TOMM7: variants seen among roughly 807,000 people sequenced by gnomAD.
TOMM7 encodes the protein translocase of outer mitochondrial membrane 7, also known as mitochondrial import receptor subunit TOM7 homolog.
Under a neutral mutation model 9.5 loss-of-function variants are expected in TOMM7, and 8 were observed. The observed-to-expected ratio is 0.84, with a 90% CI of 0.49 to 1.51. TOMM7 has a LOEUF of 1.51. TOMM7 is among the 40% of genes most tolerant of loss of function. The probability of loss-of-function intolerance (pLI) is 0.00; values close to 1 mark genes in which losing one functional copy is unlikely to be tolerated. For missense variants in TOMM7, 74 were observed against 63.7 expected, an observed-to-expected ratio of 1.16 and a Z score of -0.55; for synonymous variants, 27 against 21.4, an observed-to-expected ratio of 1.26 and a Z score of -0.72.
intron 1 of TOMM7, among the ~76,000 whole-genome samples, chr7:22,818,758 T>C (rs1782348616): frequency 6.6e-6 from 1 of 152,156 alleles, no homozygotes; most frequent in Non-Finnish European, 1.5e-5. Context: ...CAAAATGATT[T>C]TTGGAAAAAC....
At chr7:22,817,013 A>G (rs1782324587) in intron 2 of TOMM7, among the ~76,000 whole-genome samples, 1 of 152,354 alleles carries the variant, frequency 6.6e-6, no homozygotes, top group South Asian at 2.1e-4. Context: ...GAAAATGAAT[A>G]AAGCCCTAGA....
At chr7:22,813,669 T>C (rs1000007337) in intron 2 of TOMM7, among the ~76,000 whole-genome samples, 2 of 151,696 alleles carry the variant, frequency 1.3e-5, no homozygotes, top group African/African-American at 4.8e-5. Context: ...GTGGGTAGAG[T>C]GCGATGTGGC....
chr7:22,819,280 TA>T (rs200380406), intron 1 of TOMM7, among the ~76,000 whole-genome samples: 187 of 149,394 alleles, frequency 1.3e-3, no homozygotes, highest in African/African-American at 3.7e-3. Flanking sequence ...AGTTAATATT[TA>T]AAAAAAAAAT....
Position 22,822,849 on chromosome 7 carries a change from G to A in TOMM7, c.-70C>T, listed in dbSNP as rs1378635767. ...AGCGTCGGGAATCCGAAAGGGAAAG[G>A]AGGTGCGCAGGCGCCACACACGGCC... On this transcript the variant is annotated 5_prime_UTR_variant, in exon 1 of 3. Transcript: ENST00000358435. 9.5e-6 allele frequency: 12 copies of A among 1,259,140 alleles called. No homozygotes were observed. The highest frequency in any genetic ancestry group is 3.6e-5 in the South Asian group (3 of 83,406). The allele number at this position is 1,259,140 out of a possible 1,614,324, so 78.0% of individuals were successfully genotyped here. A position where few individuals can be genotyped will look rare whatever the true frequency, so the allele number is the denominator to read the frequency against.
intron 1 of TOMM7, among the ~76,000 whole-genome samples, chr7:22,820,310 C>T (rs1433792997): frequency 2.6e-5 from 4 of 152,236 alleles, no homozygotes; most frequent in Non-Finnish European, 4.4e-5. Context: ...TGAAAATCAC[C>T]GTAACGGTAG....
chr7:22,820,181 A>G (rs1222841622), intron 1 of TOMM7, among the ~76,000 whole-genome samples: 1 of 152,196 alleles, frequency 6.6e-6, no homozygotes, highest in East Asian at 1.9e-4. Context: ...CTATTTCAAC[A>G]TGGGAACTGG....
chr7:22,818,561 G>A (rs1258360374), intron 1 of TOMM7, among the ~76,000 whole-genome samples: 1 of 152,170 alleles, frequency 6.6e-6, no homozygotes, highest in Non-Finnish European at 1.5e-5. Context: ...GATTACAGGT[G>A]TGAACCATCA....
chr7:22,822,257 G>C, intron 1 of TOMM7: 1 of 1,550,590 alleles, frequency 6.4e-7, no homozygotes, highest in Middle Eastern at 1.7e-4. Flanking sequence ...TTTCATGGCA[G>C]TGGTACTTTC....
rs560450448 is a variant in TOMM7, at chr7:22,813,589, C to G, written c.153-404G>C. ...TGTGCATTAGACACTGAGGAAAGTTCACAACTCCCAACTACGATCCCTATT... is the reference window on the plus strand; with the variant it reads ...TGTGCATTAGACACTGAGGAAAGTTGACAACTCCCAACTACGATCCCTATT... On this transcript the variant is annotated intron_variant, in intron 2 of 2. Transcript: ENST00000358435. 3.9e-5 allele frequency among the ~76,000 whole-genome samples: 6 copies of G among 152,050 alleles called. No homozygotes were observed. The South Asian group carries it at 1.2e-3, about 32-fold the overall frequency.
intron 1 of TOMM7, among the ~76,000 whole-genome samples, chr7:22,820,092 T>C (rs188960801): frequency 9.9e-5 from 15 of 152,150 alleles, no homozygotes; most frequent in African/African-American, 3.6e-4. Flanking sequence ...TCCCAGCACT[T>C]TGGGAGGCCA....
At chr7:22,816,612 A>G (rs1562672529) in intron 2 of TOMM7, among the ~76,000 whole-genome samples, 1 of 152,256 alleles carries the variant, frequency 6.6e-6, no homozygotes. Flanking sequence ...AAACTTTATC[A>G]GGGAAAACAG....
rs1782270019 is a variant in TOMM7, at chr7:22,813,142, C to T, written c.*28G>A. On this transcript the variant is annotated 3_prime_UTR_variant, in exon 3 of 3. Transcript: ENST00000358435. ...ATCTTCCATGCTGTCCGCTGATTGC[C>T]TCCAAATCCAGAAGACCAAATAATC... 1.2e-6 allele frequency: 2 copies of T among 1,613,392 alleles called. No homozygotes were observed. The highest frequency in any genetic ancestry group is 1.7e-5 in the Admixed American group (1 of 59,962).
intron 1 of TOMM7, 108 bp downstream of exon 1, chr7:22,822,569 C>G (rs1414145154): frequency 1.0e-6 from 1 of 967,858 alleles, no homozygotes; most frequent in South Asian, 1.4e-5. Flanking sequence ...GGGCCGTGCA[C>G]GGCAGTGTCC....
intron 2 of TOMM7, among the ~76,000 whole-genome samples, chr7:22,816,374 T>G (rs927834773): frequency 1.3e-5 from 2 of 152,228 alleles, no homozygotes; most frequent in African/African-American, 4.8e-5. Context: ...GTAATGTTTC[T>G]CTAAGGAAAT....
In TOMM7 at chr7:22,813,058, T is replaced by C. The variant is rs762199420; in HGVS notation, c.*112A>G. 5.6e-6 allele frequency: 6 copies of C among 1,062,158 alleles called. No homozygotes were observed. Among genetic ancestry groups the C allele is most frequent in the East Asian group, 2.4e-5 (1 of 42,352 alleles). 65.8% of individuals were successfully genotyped at this position (1,062,158 alleles called of 1,614,324 possible). A position where few individuals can be genotyped will look rare whatever the true frequency, so the allele number is the denominator to read the frequency against. ...GCTACAGATGCGTCTGTGAAGAGCC[T>C]TGTGCCATCCAACTAGTGACTGAAT... is the stretch of plus-strand genomic sequence containing the variant. On this transcript the variant is annotated 3_prime_UTR_variant, in exon 3 of 3. Transcript: ENST00000358435.
chr7:22,813,525 G>A (rs1219905106), intron 2 of TOMM7, among the ~76,000 whole-genome samples: 1 of 152,144 alleles, frequency 6.6e-6, no homozygotes, highest in Non-Finnish European at 1.5e-5. Context: ...ACTAGATGCA[G>A]TATCAGTAAT....
Position 22,813,084 on chromosome 7 carries a change from G to T in TOMM7, c.*86C>A. 7.1e-7 allele frequency: 1 copy of T among 1,402,696 alleles called. No individual in the cohort carries two copies. Among genetic ancestry groups the T allele is most frequent in the Middle Eastern group, 1.8e-4 (1 of 5,428 alleles). The allele number at this position is 1,402,696 out of a possible 1,614,324, so 86.9% of individuals were successfully genotyped here. On this transcript the variant is annotated 3_prime_UTR_variant, in exon 3 of 3. Transcript: ENST00000358435. Reference sequence around the variant, plus strand: ...TGTGCCATCCAACTAGTGACTGAATGATGTCCCATCTCTTATCCGAGCCAG... The same window carrying T: ...TGTGCCATCCAACTAGTGACTGAATTATGTCCCATCTCTTATCCGAGCCAG...
chr7:22,820,312 TA>T (rs2128182667), intron 1 of TOMM7, among the ~76,000 whole-genome samples: 1 of 152,342 alleles, frequency 6.6e-6, no homozygotes, highest in African/African-American at 2.4e-5. Flanking sequence ...AAAATCACCG[TA>T]ACGGTAGTCC....
At chr7:22,813,348 T>C (rs2128181768) in intron 2 of TOMM7, among the ~76,000 whole-genome samples, 163 bp from the exon 3 acceptor site, 1 of 152,338 alleles carries the variant, frequency 6.6e-6, no homozygotes, top group Middle Eastern at 3.4e-3. Flanking sequence ...ACAAATTAAA[T>C]ATACAGAACT....
Sources: gnomAD v4.1 joint callset for allele counts (sites outside exome capture counted in the v4.1 genomes callset) on GRCh38, gnomAD v4.1.1 for gene constraint, MANE v1.5 for transcripts, NCBI Gene and HGNC (gene_info 2026-07-23, HGNC 2026-07-21) for gene names.